The following CSMD1 variants were observed in gnomAD, a reference collection of about 807,000 sequenced individuals.
CSMD1 encodes CUB and sushi domain-containing protein 1.
Under a neutral mutation model 417.5 loss-of-function variants are expected in CSMD1, and 213 were observed. The ratio of observed to expected loss-of-function variants is 0.51; its 90% confidence interval spans 0.46 to 0.57. The LOEUF is 0.57. Ranked by LOEUF, CSMD1 falls within the 20% of genes least tolerant of loss-of-function variation. CSMD1 has a pLI of 0.00. For synonymous variants in CSMD1, 2,862 were observed against 1,736.8 expected (o/e 1.65, Z -16.11); for missense variants, 6,923 against 4,529.7 (o/e 1.53, Z -15.17).
chr8:3,911,772 G>T (rs955288523), intron 5 of CSMD1, among the ~76,000 whole-genome samples: 1 of 151,992 alleles, frequency 6.6e-6, no homozygotes, highest in Non-Finnish European at 1.5e-5. Context: ...CATCTCACCA[G>T]CCTCATTTCT....
At chr8:3,878,551 T>G (rs1007318602) in intron 5 of CSMD1, among the ~76,000 whole-genome samples, 1 of 152,170 alleles carries the variant, frequency 6.6e-6, no homozygotes, top group African/African-American at 2.4e-5. Context: ...ATTATATAGA[T>G]AGGAAGTATA....
At chr8:3,856,865 G>A (rs1374986706) in intron 5 of CSMD1, among the ~76,000 whole-genome samples, 1 of 152,152 alleles carries the variant, frequency 6.6e-6, no homozygotes, top group Non-Finnish European at 1.5e-5. Context: ...GATCCAGCAT[G>A]GACATGAGTC....
chr8:4,155,557 G>A (rs936330012), intron 3 of CSMD1, among the ~76,000 whole-genome samples: 2 of 152,136 alleles, frequency 1.3e-5, no homozygotes, highest in Non-Finnish European at 2.9e-5. Flanking sequence ...CCATGTCTTA[G>A]AACGAACGTT....
intron 47 of CSMD1, among the ~76,000 whole-genome samples, chr8:3,093,262 C>T (rs947079027): frequency 9.2e-5 from 14 of 152,156 alleles, no homozygotes; most frequent in Non-Finnish European, 1.3e-4. Context: ...GACACAGGCA[C>T]GCCCTGAGTG....
intron 3 of CSMD1, among the ~76,000 whole-genome samples, chr8:4,225,769 T>G (rs994547249): frequency 6.6e-6 from 1 of 152,180 alleles, no homozygotes; most frequent in African/African-American, 2.4e-5. Context: ...GCCAATCTAT[T>G]CAAATCTATT....
chr8:3,565,227 T>TAGATAGAC lies in CSMD1; in HGVS notation c.1344+9717_1344+9718insGTCTATCT, dbSNP rs1554471774. ...ATAGATAGATAGAGAGATAGACAGA[T>TAGATAGAC]AGATAGATTAATGATGACAGCCAAG... On this transcript the variant is annotated intron_variant, in intron 10 of 69. Transcript: ENST00000635120. 3.3e-3 allele frequency among the ~76,000 whole-genome samples: 351 copies of TAGATAGAC among 106,144 alleles called. 3 individuals are homozygous for TAGATAGAC. The highest frequency in any genetic ancestry group is 0.012 in the African/African-American group (338 of 27,182). 69.6% of individuals were successfully genotyped at this position (106,144 alleles called of 152,430 possible).
At chr8:4,286,298 G>A (rs982384768) in intron 3 of CSMD1, among the ~76,000 whole-genome samples, 4 of 152,032 alleles carry the variant, frequency 2.6e-5, no homozygotes, top group African/African-American at 9.7e-5. Context: ...TCTGTCCTCA[G>A]GGGCCGTTGT....
At chr8:4,982,803 G>C (rs560246769) in intron 1 of CSMD1, among the ~76,000 whole-genome samples, 1 of 152,080 alleles carries the variant, frequency 6.6e-6, no homozygotes, top group East Asian at 1.9e-4. Flanking sequence ...TTCCGTAGAC[G>C]CCTCAGCTTT....
chr8:4,616,542 C>G lies in CSMD1; in HGVS notation c.302+20800G>C, dbSNP rs73659174. Among the ~76,000 whole-genome samples, 8 of 152,280 alleles carry G rather than the reference C, an allele frequency of 5.3e-5. No homozygotes were observed. In the East Asian group the frequency reaches 1.5e-3, roughly 29 times the overall value. ...CAAAGACTTTCTCATTCTCTCATGCCAGCAATACATCAGTTATAATACTCA... is the reference window on the plus strand; with the variant it reads ...CAAAGACTTTCTCATTCTCTCATGCGAGCAATACATCAGTTATAATACTCA... On this transcript the variant is annotated intron_variant, in intron 2 of 69. Coordinates refer to ENST00000635120, the MANE Select transcript of CSMD1 (RefSeq NM_033225.6).
At chr8:4,084,882 C>A (rs1800337886) in intron 3 of CSMD1, among the ~76,000 whole-genome samples, 1 of 151,946 alleles carries the variant, frequency 6.6e-6, no homozygotes, top group Non-Finnish European at 1.5e-5. Context: ...CAAATACATA[C>A]ATTCAGTTTA....
At chr8:3,797,337 A>T (rs1434621935) in intron 5 of CSMD1, among the ~76,000 whole-genome samples, 1 of 151,974 alleles carries the variant, frequency 6.6e-6, no homozygotes. Flanking sequence ...TTGTTGACAA[A>T]CTGTTCACTG....
At position 4,013,829 on chromosome 8, in the gene CSMD1, G is replaced by C. The variant is rs560249282; in HGVS notation, c.611-15719C>G. On this transcript the variant is annotated intron_variant, in intron 4 of 69. Transcript: ENST00000635120. ...CTATCTGTTTAGGTGGTGTCTATGG[G>C]GTCTTTTGATCTACAGTGACAGACA... Among the ~76,000 whole-genome samples the C allele has an allele frequency of 3.4e-4, 52 of 152,160 alleles. No homozygotes were observed. The Middle Eastern group carries it at 0.017, about 50-fold the overall frequency.
chr8:3,260,882 G>T lies in CSMD1; in HGVS notation c.4153+23262C>A, dbSNP rs150402209. Among the ~76,000 whole-genome samples, 10 of 152,262 alleles carry T rather than the reference G, an allele frequency of 6.6e-5. No individual in the cohort carries two copies. The East Asian group carries it at 1.9e-3, about 29-fold the overall frequency. On this transcript the variant is annotated intron_variant, in intron 26 of 69. Coordinates refer to ENST00000635120, the MANE Select transcript of CSMD1 (RefSeq NM_033225.6). The stretch of plus-strand genomic sequence containing the variant: ...GACAAGCTACAGACTGGGAGAAAAT[G>T]CTTGAAAGCCACGTATCTGACAACA...
intron 2 of CSMD1, among the ~76,000 whole-genome samples, chr8:4,621,879 A>T (rs576983376): frequency 6.6e-6 from 1 of 152,266 alleles, no homozygotes; most frequent in Non-Finnish European, 1.5e-5. Context: ...TTAAAATTTC[A>T]CAAAACTAAT....
chr8:4,195,741 C>G (rs752335538), intron 3 of CSMD1, among the ~76,000 whole-genome samples: 1 of 152,146 alleles, frequency 6.6e-6, no homozygotes, highest in Non-Finnish European at 1.5e-5. Context: ...AACGTCGGGG[C>G]TCTCCGTGCT....
intron 15 of CSMD1, among the ~76,000 whole-genome samples, chr8:3,405,115 C>A (rs1335465328): frequency 1.3e-5 from 2 of 152,082 alleles, no homozygotes; most frequent in African/African-American, 2.4e-5. Flanking sequence ...TCTACATAAC[C>A]TTTTCAATAA....
chr8:4,795,483 G>C (rs915850373), intron 1 of CSMD1, among the ~76,000 whole-genome samples: 3 of 151,480 alleles, frequency 2.0e-5, no homozygotes, highest in Non-Finnish European at 4.4e-5. Context: ...TGTTAGCCAG[G>C]ATGGTCTCGA....
chr8:4,743,538 C>A (rs1290689453), intron 1 of CSMD1, among the ~76,000 whole-genome samples: 1 of 152,136 alleles, frequency 6.6e-6, no homozygotes. Context: ...TCTTTCCAAG[C>A]CAGAGTCAAC....
At chr8:4,804,673 A>G (rs1158401530) in intron 1 of CSMD1, among the ~76,000 whole-genome samples, 2 of 152,304 alleles carry the variant, frequency 1.3e-5, no homozygotes, top group African/African-American at 4.8e-5. Context: ...ACTTTTAGTG[A>G]TCAAAATATA....
Sources: gnomAD v4.1 joint callset for allele counts (sites outside exome capture counted in the v4.1 genomes callset) on GRCh38, gnomAD v4.1.1 for gene constraint, MANE v1.5 for transcripts, NCBI Gene and HGNC (gene_info 2026-07-23, HGNC 2026-07-21) for gene names.